BIRC6: variants seen among roughly 807,000 people sequenced by gnomAD.
The protein encoded by BIRC6 is dual E2 ubiquitin-conjugating enzyme/E3 ubiquitin-protein ligase BIRC6.
Under a neutral mutation model 503.3 loss-of-function variants are expected in BIRC6, and 98 were observed. The observed-to-expected ratio is 0.19, with a 90% CI of 0.17 to 0.23. BIRC6 has a LOEUF of 0.23. BIRC6 is among the 10% of genes least tolerant of loss of function. The pLI is 1.00. For missense variants in BIRC6, 5,360 were observed against 5,806.0 expected, an observed-to-expected ratio of 0.92 and a Z score of 2.50; for synonymous variants, 2,240 against 2,078.7, an observed-to-expected ratio of 1.08 and a Z score of -2.11.
intron 2 of BIRC6, among the ~76,000 whole-genome samples, chr2:32,379,772 A>G (rs1368427842): frequency 6.6e-6 from 1 of 152,198 alleles, no homozygotes; most frequent in African/African-American, 2.4e-5. Flanking sequence ...AGTGTCCTCT[A>G]TTATGACTTT....
At chr2:32,521,470 TG>T (rs1426043108) in intron 57 of BIRC6, among the ~76,000 whole-genome samples, 3 of 151,038 alleles carry the variant, frequency 2.0e-5, no homozygotes, top group African/African-American at 7.3e-5. Context: ...CTGTTTTTTT[TG>T]TTTTTTGTTT....
At position 32,445,423 on chromosome 2, in the gene BIRC6, G is replaced by A. The variant is rs1297081121; in HGVS notation, c.4337-98G>A. 5.0e-6 allele frequency: 6 copies of A among 1,199,020 alleles called. No homozygotes were observed. The South Asian group carries it at 9.3e-5, about 19-fold the overall frequency. 74.3% of individuals were successfully genotyped at this position (1,199,020 alleles called of 1,614,324 possible). A position where few individuals can be genotyped will look rare whatever the true frequency, so the allele number is the denominator to read the frequency against. On this transcript the variant is annotated intron_variant, in intron 20 of 73. Transcript: ENST00000421745. ...TTCCAGAAAAGGGAGTATCTTTCTA[G>A]CAAAAGGAAGTATTCTGATAAATAG...
chr2:32,437,110 G>C (rs2044809132), intron 15 of BIRC6, among the ~76,000 whole-genome samples: 1 of 151,680 alleles, frequency 6.6e-6, no homozygotes, highest in Non-Finnish European at 1.5e-5. Flanking sequence ...GGGTGATGTG[G>C]AACTCTTGAG....
At chr2:32,458,942 G>T (rs912492933) in intron 23 of BIRC6, among the ~76,000 whole-genome samples, 1 of 151,822 alleles carries the variant, frequency 6.6e-6, no homozygotes, top group Admixed American at 6.6e-5. Context: ...TGCCTGCCTC[G>T]GCCTCCCAAA....
intron 63 of BIRC6, among the ~76,000 whole-genome samples, chr2:32,547,302 A>T (rs976017594): frequency 6.6e-6 from 1 of 152,040 alleles, no homozygotes; most frequent in Non-Finnish European, 1.5e-5. Context: ...ATATTTGAAA[A>T]TTTGTATTTA....
chr2:32,442,131 A>T lies in BIRC6; in HGVS notation c.4011A>T (p.Arg1337Ser). 1 of 1,610,884 alleles carries T rather than the reference A, an allele frequency of 6.2e-7. No individual in the cohort carries two copies. Among genetic ancestry groups the T allele is most frequent in the African/African-American group, 1.3e-5 (1 of 74,768 alleles). Residue 1337 changes from arginine to serine, a missense_variant, in exon 18 of 74, where the codon AGA (arginine) becomes AGT (serine). Arg to Ser is a moderately radical substitution (Grantham distance 110, BLOSUM62 -1). Around this residue, in one of 16 missense-constraint regions of BIRC6, gnomAD observed 2,299 missense variants for 2,267.2 expected, o/e 1.01. Transcript: ENST00000421745. ...AGAAGCTTCTTAATACTCTTTGCAG[A>T]AAAACAGATGATGGCCAGATCACAG... ...FHEKLLNTLC[R>S]KTDDGQITEH...
rs566826081 is a variant in BIRC6 at position 32,391,968 on chromosome 2, G to A, written c.840-71G>A. On this transcript the variant is annotated intron_variant, in intron 4 of 73. Transcript: ENST00000421745. ...TGATAACCCAGTAAAATTATTTTTT[G>A]CATTGTTAAATAGAAGTTTCACTGT... 16 of 1,001,388 alleles carry A rather than the reference G, an allele frequency of 1.6e-5. No homozygotes were observed. In the African/African-American group the frequency reaches 2.5e-4, roughly 15 times the overall value. 62.0% of individuals were successfully genotyped at this position (1,001,388 alleles called of 1,614,324 possible).
intron 66 of BIRC6, among the ~76,000 whole-genome samples, chr2:32,587,158 G>A (rs760657898): frequency 6.6e-6 from 1 of 152,222 alleles, no homozygotes; most frequent in Non-Finnish European, 1.5e-5. Context: ...GGAGGCTGTG[G>A]CACACAGATC....
At position 32,380,388 on chromosome 2, in the gene BIRC6, T is replaced by A. The variant is rs115708593; in HGVS notation, c.645+98T>A. On this transcript the variant is annotated intron_variant, in intron 3 of 73. Transcript: ENST00000421745. ...TCCTCTCCTTTTGGAAATGTTCTAA[T>A]TCTAGATTTTTCTTTTAAAAAGCAG... is the stretch of plus-strand genomic sequence containing the variant. The A allele has an allele frequency of 1.7e-3, 2,345 of 1,382,742 alleles. 4 individuals are homozygous for A. Among genetic ancestry groups the A allele is most frequent in the Non-Finnish European group, 1.6e-3 (1,683 of 1,057,320 alleles). 85.7% of individuals were successfully genotyped at this position (1,382,742 alleles called of 1,614,324 possible).
chr2:32,473,706 C>CGTGTGTGTGTGTGT (rs70938348), intron 33 of BIRC6, among the ~76,000 whole-genome samples: 2 of 72,688 alleles, frequency 2.8e-5, no homozygotes, highest in East Asian at 4.1e-4. Flanking sequence ...TCTCCTTTTT[C>CGTGTGTGTGTGTGT]GTGTGTGTGT....
intron 72 of BIRC6, among the ~76,000 whole-genome samples, chr2:32,611,011 C>A (rs2062834751): frequency 6.6e-6 from 1 of 152,130 alleles, no homozygotes; most frequent in Admixed American, 6.6e-5. Flanking sequence ...AGGCGTGAGC[C>A]ACCACACCGG....
chr2:32,573,123 C>T (rs967495120), intron 65 of BIRC6, among the ~76,000 whole-genome samples: 7 of 152,166 alleles, frequency 4.6e-5, no homozygotes, highest in Non-Finnish European at 1.0e-4. Flanking sequence ...ATGTTAGATA[C>T]TTGATGGTAG....
At chr2:32,577,936 G>A (rs2060373927) in intron 66 of BIRC6, among the ~76,000 whole-genome samples, 3 of 152,120 alleles carry the variant, frequency 2.0e-5, no homozygotes, top group Non-Finnish European at 4.4e-5. Context: ...AAGATATAAT[G>A]AGTGTTCGTA....
At chr2:32,602,074 T>C (rs1035414485) in intron 70 of BIRC6, among the ~76,000 whole-genome samples, 1 of 152,342 alleles carries the variant, frequency 6.6e-6, no homozygotes, top group East Asian at 1.9e-4. Context: ...ATATGATCTA[T>C]CAGTCCCACT....
rs1376713657 is a variant in BIRC6 at position 32,441,341 on chromosome 2, A to C, written c.3823A>C (p.Asn1275His). The C allele has an allele frequency of 6.4e-7, 1 of 1,573,480 alleles. No homozygotes were observed. The highest frequency in any genetic ancestry group is 8.7e-7 in the Non-Finnish European group (1 of 1,151,086). Residue 1275 changes from asparagine (N) to histidine (H), a missense_variant, in exon 17 of 74, where the codon AAT (asparagine) becomes CAT (histidine). Coordinates refer to ENST00000421745, the MANE Select transcript of BIRC6 (RefSeq NM_016252.4). ...TTGTAATGTTTAGGAAAAATCATCT[A>C]ATGTTAAGAATGAAAATACAAGTGG... ...KVAAGKEKSSNVKNENTSGTR... is the reference protein window; with the variant it reads ...KVAAGKEKSSHVKNENTSGTR...
chr2:32,618,737 A>G lies in BIRC6; in HGVS notation c.*833A>G, dbSNP rs2063382017. On this transcript the variant is annotated 3_prime_UTR_variant, in exon 74 of 74. Transcript: ENST00000421745. ...TATGTGGTTTTATGACTAAAGTCAC[A>G]TGTATGTATTAAACATTGAGGCTCT... 1 of 152,452 alleles carries G rather than the reference A, an allele frequency of 6.6e-6. No individual in the cohort carries two copies. The highest frequency in any genetic ancestry group is 1.5e-5 in the Non-Finnish European group (1 of 68,022). The allele number at this position is 152,452 out of a possible 1,614,324, so 9.4% of individuals were successfully genotyped here. A position where few individuals can be genotyped will look rare whatever the true frequency, so the allele number is the denominator to read the frequency against.
chr2:32,502,316 A>G (rs998726740), intron 47 of BIRC6, among the ~76,000 whole-genome samples: 1 of 152,152 alleles, frequency 6.6e-6, no homozygotes, highest in African/African-American at 2.4e-5. Flanking sequence ...ATAGGTTACA[A>G]AATTTTTCCT....
chr2:32,494,386 C>G (rs979333352), intron 45 of BIRC6, among the ~76,000 whole-genome samples: 1 of 151,938 alleles, frequency 6.6e-6, no homozygotes, highest in Admixed American at 6.6e-5. Flanking sequence ...CACCACCACA[C>G]CCAGCTAATT....
At chr2:32,395,950 T>C (rs138398394) in intron 6 of BIRC6, among the ~76,000 whole-genome samples, 53 of 152,332 alleles carry the variant, frequency 3.5e-4, no homozygotes, top group African/African-American at 1.1e-3. Flanking sequence ...CCTTATAGTA[T>C]ACATTTCTAA....
Sources: gnomAD v4.1 joint callset for allele counts (sites outside exome capture counted in the v4.1 genomes callset) on GRCh38, gnomAD v4.1.1 for gene constraint, gnomAD v4.1.1 regional missense constraint, MANE v1.5 for transcripts, NCBI Gene and HGNC (gene_info 2026-07-23, HGNC 2026-07-21) for gene names.